CBLB: variants seen among roughly 807,000 people sequenced by gnomAD.
CBLB encodes the protein E3 ubiquitin-protein ligase CBL-B.
Under a neutral mutation model 104.9 loss-of-function variants are expected in CBLB, and 31 were observed. That is an observed-to-expected ratio of 0.30 (90% CI 0.22 to 0.40). The LOEUF (loss-of-function observed/expected upper bound fraction) is 0.40, where lower values mean the gene tolerates loss of function less well. Among genes scored for constraint, CBLB ranks in the 10% least tolerant of loss-of-function variants. The pLI is 1.00. For synonymous variants in CBLB, 440 were observed against 422.6 expected (o/e 1.04, Z -0.51); for missense variants, 1,062 against 1,214.6 (o/e 0.87, Z 1.87).
chr3:105,741,617 G>A (rs141566326), intron 6 of CBLB, among the ~76,000 whole-genome samples: 2,058 of 152,178 alleles, frequency 0.014, 46 homozygotes, highest in African/African-American at 0.047. Flanking sequence ...GGATGGTCTC[G>A]ATCTCCTGAC....
chr3:105,684,530 G>GA (rs1169194454), intron 14 of CBLB, among the ~76,000 whole-genome samples: 5 of 148,472 alleles, frequency 3.4e-5, no homozygotes, highest in Non-Finnish European at 7.4e-5. Flanking sequence ...CAAAAGTAAG[G>GA]AAAAAACCCC....
At chr3:105,758,630 C>A (rs538742085) in intron 4 of CBLB, among the ~76,000 whole-genome samples, 1 of 152,370 alleles carries the variant, frequency 6.6e-6, no homozygotes, top group African/African-American at 2.4e-5. Flanking sequence ...GCAAGTGGTG[C>A]ATGAACAAGT....
At chr3:105,822,419 T>C (rs1309904266) in intron 3 of CBLB, among the ~76,000 whole-genome samples, 1 of 152,234 alleles carries the variant, frequency 6.6e-6, no homozygotes, top group Non-Finnish European at 1.5e-5. Context: ...TGGTCAATTC[T>C]GGAACTAACC....
At chr3:105,693,861 T>C (rs1231847906) in intron 12 of CBLB, among the ~76,000 whole-genome samples, 1 of 151,996 alleles carries the variant, frequency 6.6e-6, no homozygotes, top group East Asian at 1.9e-4. Flanking sequence ...ATACAGATAT[T>C]AATGGCTAAA....
intron 10 of CBLB, among the ~76,000 whole-genome samples, chr3:105,715,932 G>A (rs1249271845): frequency 1.3e-4 from 20 of 152,228 alleles, no homozygotes; most frequent in Admixed American, 9.2e-4. Context: ...CCAGCTACTC[G>A]GGAGGCTGAG....
intron 4 of CBLB, among the ~76,000 whole-genome samples, chr3:105,759,410 T>C (rs1213915743): frequency 6.6e-6 from 1 of 152,192 alleles, no homozygotes; most frequent in Non-Finnish European, 1.5e-5. Context: ...AGGGCTTCAA[T>C]GGGGACCTGC....
At chr3:105,787,910 C>T (rs900921328) in intron 3 of CBLB, among the ~76,000 whole-genome samples, 4 of 151,936 alleles carry the variant, frequency 2.6e-5, no homozygotes, top group Admixed American at 6.6e-5. Context: ...TTTAAAAAGG[C>T]AATTTAAAAT....
chr3:105,711,518 T>A (rs2071078373), intron 10 of CBLB, among the ~76,000 whole-genome samples: 1 of 151,888 alleles, frequency 6.6e-6, no homozygotes. Flanking sequence ...TACTCACATA[T>A]TCATATGGCA....
intron 4 of CBLB, among the ~76,000 whole-genome samples, chr3:105,772,868 T>C (rs1458547561): frequency 6.6e-6 from 1 of 152,178 alleles, no homozygotes; most frequent in Non-Finnish European, 1.5e-5. Flanking sequence ...TAGATGTTGT[T>C]AAACATCTTT....
At chr3:105,835,094 C>T (rs1014183669) in intron 3 of CBLB, among the ~76,000 whole-genome samples, 1 of 152,146 alleles carries the variant, frequency 6.6e-6, no homozygotes, top group African/African-American at 2.4e-5. Context: ...TTCATTTTAA[C>T]TGCAAAAAGG....
At chr3:105,843,616 C>A (rs1048126194) in intron 3 of CBLB, among the ~76,000 whole-genome samples, 1 of 151,910 alleles carries the variant, frequency 6.6e-6, no homozygotes, top group Admixed American at 6.6e-5. Flanking sequence ...AAGGTACTTA[C>A]AAATTCAATT....
At chr3:105,773,521 T>C (rs1490038014) in intron 4 of CBLB, among the ~76,000 whole-genome samples, 1 of 152,180 alleles carries the variant, frequency 6.6e-6, no homozygotes, top group Admixed American at 6.5e-5. Context: ...TGTCAAAAAG[T>C]ACTTAAATGA....
intron 14 of CBLB, among the ~76,000 whole-genome samples, chr3:105,683,219 T>C (rs912761205): frequency 9.2e-5 from 14 of 152,206 alleles, no homozygotes; most frequent in African/African-American, 3.4e-4. Context: ...TGGGTCACTT[T>C]TTCTACATAT....
At position 105,693,486 on chromosome 3, in the gene CBLB, A is replaced by C; in HGVS notation, c.2054+8T>G. On this transcript the variant is annotated splice_region_variant and intron_variant, in intron 13 of 18. Coordinates refer to ENST00000394030, the MANE Select transcript of CBLB (RefSeq NM_170662.5). ...AGACAAGTGATCTCCAAATTCAACA[A>C]AACTCACTTTATGCTAGGGAGGAGG... 6.3e-7 allele frequency: 1 copy of C among 1,593,302 alleles called. No individual in the cohort carries two copies. Among genetic ancestry groups the C allele is most frequent in the South Asian group, 1.1e-5 (1 of 90,566 alleles).
intron 6 of CBLB, among the ~76,000 whole-genome samples, chr3:105,743,460 A>G (rs917506650): frequency 5.1e-4 from 14 of 27,638 alleles, no homozygotes; most frequent in South Asian, 1.5e-3. Context: ...ACTCTGTCTC[A>G]AAAAAAAAAA....
chr3:105,792,352 T>C (rs1992521), intron 3 of CBLB, among the ~76,000 whole-genome samples: 137,510 of 152,230 alleles, frequency 0.9, 62,234 homozygotes, highest in Middle Eastern at 0.94. Context: ...CCCTCCCAAG[T>C]GGGGAGGCTG....
intron 9 of CBLB, among the ~76,000 whole-genome samples, chr3:105,725,200 A>T (rs1228907961): frequency 1.3e-5 from 2 of 152,202 alleles, no homozygotes; most frequent in African/African-American, 4.8e-5. Flanking sequence ...GAAGACATAA[A>T]ATGTATCTGA....
intron 6 of CBLB, among the ~76,000 whole-genome samples, chr3:105,743,496 C>T (rs1448414537): frequency 6.6e-6 from 1 of 150,642 alleles, no homozygotes; most frequent in African/African-American, 2.4e-5. Flanking sequence ...TATATATATG[C>T]ATATAAAATG....
chr3:105,808,283 T>C (rs1476383715), intron 3 of CBLB, among the ~76,000 whole-genome samples: 1 of 152,214 alleles, frequency 6.6e-6, no homozygotes, highest in Non-Finnish European at 1.5e-5. Flanking sequence ...TTTTTAAAAA[T>C]CTTTAGCTTA....
Sources: gnomAD v4.1 joint callset for allele counts (sites outside exome capture counted in the v4.1 genomes callset) on GRCh38, gnomAD v4.1.1 for gene constraint, MANE v1.5 for transcripts, NCBI Gene and HGNC (gene_info 2026-07-23, HGNC 2026-07-21) for gene names.